Variants in SPSB4 observed in about 807,000 individuals in gnomAD.
SPSB4 encodes SPRY domain-containing SOCS box protein 4.
In SPSB4, 21 loss-of-function variants were observed where a neutral mutation model predicts 20.9. That is an observed-to-expected ratio of 1.01 (90% confidence interval 0.71 to 1.45). SPSB4 has a LOEUF of 1.45. Ranked by LOEUF, SPSB4 falls within the 40% of genes most tolerant of loss-of-function variation. The pLI is 0.00. For synonymous variants in SPSB4, 207 were observed against 183.8 expected, an observed-to-expected ratio of 1.13 and a Z score of -1.02; for missense variants, 399 against 399.2, an observed-to-expected ratio of 1.00 and a Z score of 0.00.
chr3:141,105,299 G>A (rs1423321665), intron 2 of SPSB4, among the ~76,000 whole-genome samples: 2 of 152,118 alleles, frequency 1.3e-5, no homozygotes, highest in African/African-American at 4.8e-5. Context: ...TAAGCCAGTG[G>A]GCAGTCACCA....
At position 141,061,521 on chromosome 3, in the gene SPSB4, C is replaced by T. The variant is rs556979098; in HGVS notation, c.-153-4431C>T. Among the ~76,000 whole-genome samples, 3 of 152,054 alleles carry T rather than the reference C, an allele frequency of 2.0e-5. No homozygotes were observed. In the South Asian group the frequency reaches 6.2e-4, roughly 32 times the overall value. ...CCCATATGCTCACTCCATTTATCAC[C>T]CTAGTTTCCCCAATTATTAGCATCT... is the stretch of plus-strand genomic sequence containing the variant. On this transcript the variant is annotated intron_variant, in intron 1 of 2. Transcript: ENST00000310546.
chr3:141,099,719 G>A (rs139296583), intron 2 of SPSB4, among the ~76,000 whole-genome samples: 1 of 152,302 alleles, frequency 6.6e-6, no homozygotes, highest in African/African-American at 2.4e-5. Context: ...TGTGGTGTGA[G>A]CTTGTACGTT....
intron 2 of SPSB4, among the ~76,000 whole-genome samples, chr3:141,134,056 CTTTTTTTTT>C (rs1222303281): frequency 1.6e-5 from 1 of 61,632 alleles, no homozygotes; most frequent in African/African-American, 7.1e-5. Flanking sequence ...TTTCTTTTTT[CTTTTTTTTT>C]TTTTTTTTTT....
chr3:141,138,845 T>C (rs978378571), intron 2 of SPSB4, among the ~76,000 whole-genome samples: 10 of 152,198 alleles, frequency 6.6e-5, no homozygotes, highest in African/African-American at 2.4e-4. Context: ...TAGATGTCTA[T>C]TAGGTCCGCT....
intron 2 of SPSB4, among the ~76,000 whole-genome samples, chr3:141,116,345 C>G (rs538545637): frequency 6.6e-6 from 1 of 152,336 alleles, no homozygotes; most frequent in African/African-American, 2.4e-5. Context: ...GTTGCTGCCC[C>G]CCACTAGGCA....
At chr3:141,077,433 A>C (rs942639857) in intron 2 of SPSB4, 1 of 152,258 alleles carries the variant, frequency 6.6e-6, no homozygotes, top group African/African-American at 2.4e-5. Flanking sequence ...GGGGGCTGGA[A>C]CTGCCAGCAA....
intron 2 of SPSB4, among the ~76,000 whole-genome samples, chr3:141,126,743 G>T (rs1007118): frequency 1.2e-4 from 18 of 152,194 alleles, no homozygotes; most frequent in Non-Finnish European, 2.2e-4. Flanking sequence ...AGCTGAGTTT[G>T]CTAGGACCTT....
chr3:141,082,561 C>T (rs1434015831), intron 2 of SPSB4, among the ~76,000 whole-genome samples: 3 of 152,162 alleles, frequency 2.0e-5, no homozygotes, highest in African/African-American at 4.8e-5. Context: ...GCAATATAGG[C>T]GGTGAAGAAA....
chr3:141,069,894 C>T (rs1019595325), intron 2 of SPSB4, among the ~76,000 whole-genome samples: 1 of 152,130 alleles, frequency 6.6e-6, no homozygotes, highest in African/African-American at 2.4e-5. Context: ...ATCACTTTCT[C>T]AATTTTTGAA....
chr3:141,095,088 G>A (rs559354677), intron 2 of SPSB4, among the ~76,000 whole-genome samples: 3 of 152,178 alleles, frequency 2.0e-5, no homozygotes, highest in East Asian at 1.9e-4. Context: ...GTGTCTCGTC[G>A]GTCCCTATTT....
chr3:141,075,410 T>G (rs72980172), intron 2 of SPSB4, among the ~76,000 whole-genome samples: 19,530 of 152,064 alleles, frequency 0.13, 4,037 homozygotes, highest in African/African-American at 0.44. Context: ...GAACTGGTCT[T>G]CCTGTTTAGT....
At chr3:141,105,564 T>A (rs1465226418) in intron 2 of SPSB4, among the ~76,000 whole-genome samples, 1 of 152,216 alleles carries the variant, frequency 6.6e-6, no homozygotes, top group Non-Finnish European at 1.5e-5. Context: ...GGCGTAGTAT[T>A]GAATCCATTG....
At chr3:141,140,266 G>C (rs1193347257) in intron 2 of SPSB4, among the ~76,000 whole-genome samples, 2 of 151,942 alleles carry the variant, frequency 1.3e-5, no homozygotes, top group African/African-American at 4.8e-5. Context: ...TAACTTCTTT[G>C]CCATTGGTTC....
intron 2 of SPSB4, among the ~76,000 whole-genome samples, chr3:141,088,262 T>G (rs1938388547): frequency 6.6e-6 from 1 of 152,196 alleles, no homozygotes; most frequent in Non-Finnish European, 1.5e-5. Context: ...CACAGTTAAA[T>G]GTACTGCGTA....
chr3:141,133,452 T>C lies in SPSB4; in HGVS notation c.695-13690T>C, dbSNP rs12107051. Among the ~76,000 whole-genome samples the C allele has an allele frequency of 6.6e-3, 1,011 of 152,348 alleles. 14 individuals carry two copies. Among genetic ancestry groups the C allele is most frequent in the African/African-American group, 0.023 (972 of 41,574 alleles). ...CTTAGATTTAAGTTTTTGACCCATC[T>C]TGAGGTGATTTTTGTATAAGATGAG... On this transcript the variant is annotated intron_variant, in intron 2 of 2. Coordinates refer to ENST00000310546, the MANE Select transcript of SPSB4 (RefSeq NM_080862.3).
intron 2 of SPSB4, among the ~76,000 whole-genome samples, chr3:141,136,825 T>C (rs566574520): frequency 6.6e-6 from 1 of 152,364 alleles, no homozygotes; most frequent in East Asian, 1.9e-4. Flanking sequence ...CGATGTGGGC[T>C]CTTTTTTGGT....
At chr3:141,103,433 T>G (rs1322622173) in intron 2 of SPSB4, among the ~76,000 whole-genome samples, 18 of 152,150 alleles carry the variant, frequency 1.2e-4, no homozygotes, top group Admixed American at 1.2e-3. Flanking sequence ...CAGCACACAC[T>G]TTTGGTGCCC....
chr3:141,070,731 C>G (rs1340344874), intron 2 of SPSB4, among the ~76,000 whole-genome samples: 2 of 152,144 alleles, frequency 1.3e-5, no homozygotes. Flanking sequence ...TGCACTAGTG[C>G]TATCTATATT....
At chr3:141,070,026 T>G (rs1003713158) in intron 2 of SPSB4, among the ~76,000 whole-genome samples, 1 of 152,196 alleles carries the variant, frequency 6.6e-6, no homozygotes, top group Non-Finnish European at 1.5e-5. Context: ...CATAACATTG[T>G]CAAACCTTCT....
Sources: allele counts gnomAD v4.1 joint callset (sites outside exome capture counted in the v4.1 genomes callset), GRCh38; gene constraint gnomAD v4.1.1; transcripts MANE v1.5; gene names NCBI Gene and HGNC (gene_info 2026-07-23, HGNC 2026-07-21).